The following PUS7 variants were observed in gnomAD, a reference collection of about 807,000 sequenced individuals.
The protein encoded by PUS7 is pseudouridine synthase 7.
PUS7 carries 48 observed loss-of-function variants against 79.8 expected under a neutral mutation model. That is an observed-to-expected ratio of 0.60 (90% CI 0.48 to 0.76). The LOEUF (loss-of-function observed/expected upper bound fraction) is 0.76. PUS7 is among the 30% of genes least tolerant of loss of function. PUS7 has a pLI of 0.00. For missense variants in PUS7, 729 were observed against 797.6 expected, an observed-to-expected ratio of 0.91 and a Z score of 1.04; for synonymous variants, 286 against 272.2, an observed-to-expected ratio of 1.05 and a Z score of -0.50.
intron 1 of PUS7, among the ~76,000 whole-genome samples, chr7:105,517,217 T>C (rs1825929952): frequency 6.7e-6 from 1 of 149,884 alleles, no homozygotes. Context: ...AGTACAGTGG[T>C]GTGATCTCTG....
At position 105,459,261 on chromosome 7, in the gene PUS7, T is replaced by C. The variant is rs1255484506; in HGVS notation, c.1758-2A>G. The C allele has an allele frequency of 1.3e-6, 2 of 1,595,732 alleles. No homozygotes were observed. Among genetic ancestry groups the C allele is most frequent in the South Asian group, 2.2e-5 (2 of 90,102 alleles). ...GGATCATCATATGCAACGACTTCCC[T>C]TCAAAACATATGAATAAAGATAAGT... is the stretch of plus-strand genomic sequence containing the variant. On this transcript the variant is annotated splice_acceptor_variant, in intron 14 of 15. Coordinates refer to ENST00000469408, the MANE Select transcript of PUS7 (RefSeq NM_019042.5). LOFTEE classifies it high-confidence loss of function.
chr7:105,489,868 C>T (rs1824710967), intron 7 of PUS7, among the ~76,000 whole-genome samples: 1 of 151,978 alleles, frequency 6.6e-6, no homozygotes, highest in Non-Finnish European at 1.5e-5. Context: ...CCTGTAATCC[C>T]AACACTGTGG....
chr7:105,464,320 T>G (rs1823551366), intron 13 of PUS7, among the ~76,000 whole-genome samples: 2 of 152,244 alleles, frequency 1.3e-5, no homozygotes, highest in Non-Finnish European at 2.9e-5. Flanking sequence ...GAGCTCAGCC[T>G]TCTTCTCAGA....
At chr7:105,467,815 G>C (rs1823719836) in intron 12 of PUS7, among the ~76,000 whole-genome samples, 1 of 151,836 alleles carries the variant, frequency 6.6e-6, no homozygotes, top group Non-Finnish European at 1.5e-5. Context: ...GATCACCCGA[G>C]GTGGGGAGTT....
chr7:105,501,734 T>C (rs1294054075), intron 5 of PUS7, among the ~76,000 whole-genome samples: 1 of 151,858 alleles, frequency 6.6e-6, no homozygotes, highest in Non-Finnish European at 1.5e-5. Flanking sequence ...GACGGGTGGA[T>C]CACGAGGTCA....
intron 1 of PUS7, among the ~76,000 whole-genome samples, chr7:105,513,547 C>T (rs530336392): frequency 2.0e-5 from 3 of 152,342 alleles, no homozygotes; most frequent in Admixed American, 6.5e-5. Context: ...GGGCTGGGCG[C>T]GGTGGCTCAC....
At chr7:105,496,224 TATAGAGAGAG>T (rs1825023310) in intron 5 of PUS7, among the ~76,000 whole-genome samples, 2 of 83,980 alleles carry the variant, frequency 2.4e-5, no homozygotes, top group African/African-American at 4.6e-5. Context: ...TATATATATA[TATAGAGAGAG>T]AGAGAGAGAG....
chr7:105,519,945 C>A (rs73720103), intron 1 of PUS7, among the ~76,000 whole-genome samples: 10,073 of 152,250 alleles, frequency 0.066, 1,134 homozygotes, highest in African/African-American at 0.23. Context: ...ACAGTATGAC[C>A]AGCTGGATTG....
At chr7:105,466,214 C>G (rs1320632316) in intron 12 of PUS7, among the ~76,000 whole-genome samples, 1 of 151,818 alleles carries the variant, frequency 6.6e-6, no homozygotes, top group Non-Finnish European at 1.5e-5. Context: ...CTTTTCTACT[C>G]TACCCAAGAA....
At chr7:105,481,730 G>C (rs1380409475) in intron 8 of PUS7, among the ~76,000 whole-genome samples, 1 of 150,780 alleles carries the variant, frequency 6.6e-6, no homozygotes, top group Non-Finnish European at 1.5e-5. Context: ...CACAGGCTCA[G>C]TGTCTTTTTT....
At chr7:105,517,491 A>G (rs1214675421) in intron 1 of PUS7, among the ~76,000 whole-genome samples, 2 of 152,210 alleles carry the variant, frequency 1.3e-5, no homozygotes, top group African/African-American at 4.8e-5. Context: ...AGGGAATGCT[A>G]AAATAATGTT....
intron 9 of PUS7, among the ~76,000 whole-genome samples, chr7:105,478,658 C>A (rs1006682140): frequency 2.0e-5 from 3 of 152,180 alleles, no homozygotes; most frequent in African/African-American, 7.2e-5. Flanking sequence ...AATGCGTTGT[C>A]TTTCTGTTCT....
chr7:105,517,168 T>G (rs1014314601), intron 1 of PUS7, among the ~76,000 whole-genome samples: 1 of 151,700 alleles, frequency 6.6e-6, no homozygotes, highest in Non-Finnish European at 1.5e-5. Flanking sequence ...TCACATTTCT[T>G]TTTTTGGCGA....
chr7:105,521,385 G>A (rs1417341027), intron 1 of PUS7, among the ~76,000 whole-genome samples: 2 of 152,214 alleles, frequency 1.3e-5, no homozygotes, highest in Admixed American at 6.5e-5. Context: ...CAGGGCTGAC[G>A]AGGAGGACTC....
intron 5 of PUS7, among the ~76,000 whole-genome samples, chr7:105,495,996 C>T (rs1014105879): frequency 1.3e-5 from 2 of 151,584 alleles, no homozygotes; most frequent in African/African-American, 4.8e-5. Context: ...CCCGTCTCTA[C>T]TAAAAATACA....
chr7:105,466,786 A>G (rs940503460), intron 12 of PUS7, among the ~76,000 whole-genome samples: 9 of 152,056 alleles, frequency 5.9e-5, no homozygotes, highest in Admixed American at 3.9e-4. Context: ...AATGTACTTA[A>G]GAGGATGAAA....
intron 1 of PUS7, among the ~76,000 whole-genome samples, chr7:105,517,773 C>A (rs1825952268): frequency 6.6e-6 from 1 of 151,394 alleles, no homozygotes; most frequent in Admixed American, 6.6e-5. Context: ...TGAAAAAATG[C>A]AGGCAGGTAG....
At chr7:105,515,970 C>T (rs553723855) in intron 1 of PUS7, among the ~76,000 whole-genome samples, 12 of 152,112 alleles carry the variant, frequency 7.9e-5, no homozygotes, top group African/African-American at 2.9e-4. Flanking sequence ...CCACCAAGCC[C>T]AGCTAATTTT....
At position 105,508,150 on chromosome 7, in the gene PUS7, A is replaced by G. The variant is rs780683534; in HGVS notation, c.363T>C (p.Ser121=). Residue 121 remains serine, a synonymous_variant, in exon 2 of 16, where the codon AGT becomes AGC. Coordinates refer to ENST00000469408, the MANE Select transcript of PUS7 (RefSeq NM_019042.5). ...AGATTCCCGAGAACCCTTGATGAGA[A>G]CTCACAAACTTGGTGATGCCTACGT... ...EADVGITKFV[S]SHQGFSGILK... is the part of the protein sequence containing the mutation. The G allele has an allele frequency of 8.7e-6, 14 of 1,614,064 alleles. 1 individual carries two copies. The South Asian group carries it at 1.4e-4, about 16-fold the overall frequency.
Sources: gnomAD v4.1 joint callset for allele counts (sites outside exome capture counted in the v4.1 genomes callset) on GRCh38, gnomAD v4.1.1 for gene constraint, MANE v1.5 for transcripts, NCBI Gene and HGNC (gene_info 2026-07-23, HGNC 2026-07-21) for gene names.